The following AAK1 variants were observed in gnomAD, a reference collection of about 807,000 sequenced individuals.
The protein encoded by AAK1 is AP2-associated protein kinase 1.
A neutral mutation model predicts 116.0 loss-of-function variants in AAK1; 37 were observed. That is an observed-to-expected ratio of 0.32 (90% CI 0.25 to 0.42). AAK1 has a LOEUF of 0.42. Among genes scored for constraint, AAK1 ranks in the 10% least tolerant of loss-of-function variants. The pLI, the probability that AAK1 is intolerant of heterozygous loss-of-function variation, is 1.00. For missense variants in AAK1, 919 were observed against 1,170.6 expected (o/e 0.79, Z 3.14); for synonymous variants, 458 against 439.9 (o/e 1.04, Z -0.51).
At chr2:69,479,088 G>A (rs778215271) in intron 19 of AAK1, 27 bp from the exon 20 acceptor site, 3 of 1,461,788 alleles carry the variant, frequency 2.1e-6, no homozygotes, top group Non-Finnish European at 2.9e-6. Context: ...AGCATCCCAG[G>A]TCAGTGATGG....
In AAK1 at chr2:69,472,510, C is replaced by T. The variant is rs777098878; in HGVS notation, c.*3359G>A. On this transcript the variant is annotated 3_prime_UTR_variant, in exon 22 of 22. Coordinates refer to ENST00000409085, the MANE Select transcript of AAK1 (RefSeq NM_014911.5). ...CTAGATGACATTGAGGGGAACAACA[C>T]TTAATTAGATGTCAAAATTCTGATA... is the stretch of plus-strand genomic sequence containing the variant. 10 of 705,820 alleles carry T rather than the reference C, an allele frequency of 1.4e-5. No individual in the cohort carries two copies. Among genetic ancestry groups the T allele is most frequent in the Non-Finnish European group, 1.7e-5 (10 of 575,068 alleles). 43.7% of individuals were successfully genotyped at this position (705,820 alleles called of 1,614,324 possible).
chr2:69,633,173 C>T (rs1452702135), intron 2 of AAK1, among the ~76,000 whole-genome samples: 2 of 147,846 alleles, frequency 1.4e-5, no homozygotes, highest in African/African-American at 5.0e-5. Context: ...GAGCCGAGAT[C>T]GCGCCACTGC....
Position 69,469,914 on chromosome 2 carries a change from A to G in AAK1, c.*5955T>C, listed in dbSNP as rs1353620663. Reference sequence around the variant, plus strand: ...TATGTAGATTTCAGCAAGAACTCACATGCTTCAGGGAAGAGAAGGAGTTCC... The same window carrying G: ...TATGTAGATTTCAGCAAGAACTCACGTGCTTCAGGGAAGAGAAGGAGTTCC... On this transcript the variant is annotated 3_prime_UTR_variant, in exon 22 of 22. Coordinates refer to ENST00000409085, the MANE Select transcript of AAK1 (RefSeq NM_014911.5). 10 of 985,306 alleles carry G rather than the reference A, an allele frequency of 1.0e-5. No homozygotes were observed. The highest frequency in any genetic ancestry group is 4.7e-5 in the South Asian group (1 of 21,292). 61.0% of individuals were successfully genotyped at this position (985,306 alleles called of 1,614,324 possible). A position where few individuals can be genotyped will look rare whatever the true frequency, so the allele number is the denominator to read the frequency against.
intron 2 of AAK1, among the ~76,000 whole-genome samples, chr2:69,590,674 C>T (rs529138752): frequency 3.9e-5 from 6 of 152,334 alleles, no homozygotes; most frequent in East Asian, 1.9e-4. Context: ...AGTTAGGAAT[C>T]CCAATATCAA....
intron 9 of AAK1, among the ~76,000 whole-genome samples, chr2:69,526,222 A>C (rs1026438036): frequency 1.1e-4 from 17 of 152,306 alleles, no homozygotes; most frequent in Middle Eastern, 6.8e-3. Flanking sequence ...AGGGAGCCTG[A>C]CTGGTCAAGC....
rs1313525649 is a variant in AAK1 at position 69,474,115 on chromosome 2, T to C, written c.*1754A>G. The C allele has an allele frequency of 5.1e-6, 5 of 985,768 alleles. No individual in the cohort carries two copies. Among genetic ancestry groups the C allele is most frequent in the Non-Finnish European group, 6.0e-6 (5 of 829,940 alleles). 61.1% of individuals were successfully genotyped at this position (985,768 alleles called of 1,614,324 possible). ...TCCTCCAATGCCTTTCAAAGGCTAC[T>C]CGCACATTCCTAGGGTCAAACCTTG... On this transcript the variant is annotated 3_prime_UTR_variant, in exon 22 of 22. Coordinates refer to ENST00000409085, the MANE Select transcript of AAK1 (RefSeq NM_014911.5).
intron 5 of AAK1, among the ~76,000 whole-genome samples, chr2:69,534,365 C>T (rs188169005): frequency 4.6e-5 from 7 of 152,298 alleles, no homozygotes; most frequent in Admixed American, 2.0e-4. Context: ...TCCTTACTTC[C>T]AACTATAGTA....
chr2:69,473,952 C>G lies in AAK1; in HGVS notation c.*1917G>C, dbSNP rs778840072. On this transcript the variant is annotated 3_prime_UTR_variant, in exon 22 of 22. Transcript: ENST00000409085. ...TCGTGGATATCTTTTGCTTTTTAAT[C>G]CTCGGCAGGAAGCTTGTGCCTCTCT... 4 of 985,610 alleles carry G rather than the reference C, an allele frequency of 4.1e-6. No homozygotes were observed. The highest frequency in any genetic ancestry group is 4.8e-6 in the Non-Finnish European group (4 of 829,922). The allele number at this position is 985,610 out of a possible 1,614,324, so 61.1% of individuals were successfully genotyped here. A position where few individuals can be genotyped will look rare whatever the true frequency, so the allele number is the denominator to read the frequency against.
At chr2:69,600,923 AC>A in intron 2 of AAK1, among the ~76,000 whole-genome samples, 1 of 152,340 alleles carries the variant, frequency 6.6e-6, no homozygotes, top group East Asian at 1.9e-4. Context: ...GCAGTTATCA[AC>A]ATCAAGGCAA....
At chr2:69,574,082 G>A (rs916763663) in intron 2 of AAK1, among the ~76,000 whole-genome samples, 1 of 151,648 alleles carries the variant, frequency 6.6e-6, no homozygotes, top group African/African-American at 2.4e-5. Flanking sequence ...AATGAAAAGA[G>A]ATTAGAGCCA....
chr2:69,578,804 C>CT (rs71397337), intron 2 of AAK1, among the ~76,000 whole-genome samples: 1,614 of 139,200 alleles, frequency 0.012, 32 homozygotes, highest in African/African-American at 0.032. Flanking sequence ...CTCTTCACCT[C>CT]TTTTTTTTTT....
At chr2:69,518,849 T>C in intron 12 of AAK1, 105 bp downstream of exon 12, 7 of 1,410,618 alleles carry the variant, frequency 5.0e-6, no homozygotes, top group Non-Finnish European at 6.5e-6. Context: ...TGAGAAACAG[T>C]GATGTAATGT....
At chr2:69,536,810 T>C (rs1244321517) in intron 5 of AAK1, among the ~76,000 whole-genome samples, 1 of 152,222 alleles carries the variant, frequency 6.6e-6, no homozygotes, top group Non-Finnish European at 1.5e-5. Context: ...AGAGAATGTA[T>C]TGCCACTGCA....
chr2:69,513,239 C>G (rs1334815760), intron 13 of AAK1, among the ~76,000 whole-genome samples: 1 of 152,194 alleles, frequency 6.6e-6, no homozygotes, highest in Non-Finnish European at 1.5e-5. Flanking sequence ...ATCTACGGCA[C>G]TGCTTCCTTT....
In AAK1 at chr2:69,632,890, G is replaced by A. The variant is rs897083106; in HGVS notation, c.163+9988C>T. 5.9e-5 allele frequency among the ~76,000 whole-genome samples: 9 copies of A among 151,924 alleles called. No homozygotes were observed. In the South Asian group the frequency reaches 1.2e-3, roughly 21 times the overall value. Reference sequence around the variant, plus strand: ...CTACTAAAAATGCAAAAAATTAGCCGGGCATGGTGGTGGGCACCTGTAGTC... The same window carrying A: ...CTACTAAAAATGCAAAAAATTAGCCAGGCATGGTGGTGGGCACCTGTAGTC... On this transcript the variant is annotated intron_variant, in intron 2 of 21. Coordinates refer to ENST00000409085, the MANE Select transcript of AAK1 (RefSeq NM_014911.5).
intron 2 of AAK1, among the ~76,000 whole-genome samples, chr2:69,570,797 T>G (rs74973837): frequency 0.011 from 1,688 of 152,342 alleles, 34 homozygotes; most frequent in African/African-American, 0.038. Flanking sequence ...AGATTAAATC[T>G]CTTAATATGA....
In AAK1 at chr2:69,643,731, G is replaced by GC; in HGVS notation, c.-392dup. Reference sequence around the variant, plus strand: ...CGCCAGCTGATCCCGGGAGCGCCGGGCGGAGACTGACCCGCCGCCCCTCCC... The same window carrying GC: ...CGCCAGCTGATCCCGGGAGCGCCGGGCCGGAGACTGACCCGCCGCCCCTCCC... On this transcript the variant is annotated 5_prime_UTR_variant, in exon 1 of 22. Transcript: ENST00000409085. The GC allele has an allele frequency of 8.3e-7, 1 of 1,209,896 alleles. No homozygotes were observed. The highest frequency in any genetic ancestry group is 3.4e-5 in the East Asian group (1 of 29,662). 74.9% of individuals were successfully genotyped at this position (1,209,896 alleles called of 1,614,324 possible). A position where few individuals can be genotyped will look rare whatever the true frequency, so the allele number is the denominator to read the frequency against.
Position 69,476,953 on chromosome 2 carries a change from G to T in AAK1, c.2718C>A (p.Val906=). The part of the protein sequence containing the change: ...EDSNLISGFD[V]PEGSDKVAED... Reference sequence around the variant, plus strand: ...CAGCCACCTTGTCCGAGCCCTCAGGGACATCAAAACCTGAGATGAGATTAC... The same window carrying T: ...CAGCCACCTTGTCCGAGCCCTCAGGTACATCAAAACCTGAGATGAGATTAC... Residue 906 remains valine (V), a synonymous_variant, in exon 21 of 22, where the codon GTC becomes GTA. Coordinates refer to ENST00000409085, the MANE Select transcript of AAK1 (RefSeq NM_014911.5). 1 of 1,613,344 alleles carries T rather than the reference G, an allele frequency of 6.2e-7. No individual in the cohort carries two copies. Among genetic ancestry groups the T allele is most frequent in the East Asian group, 2.2e-5 (1 of 44,838 alleles).
rs200710804 is a variant in AAK1, at chr2:69,519,112, A to T, written c.1339T>A (p.Ser447Thr). The change falls in exon 12 of 22, where the codon TCT becomes ACT. Residue 447 changes from serine (S) to threonine (T), a missense_variant. Physicochemically the swap from Ser to Thr is moderately conservative, Grantham distance 58. This residue lies in a region of AAK1 where 214 missense variants were observed against 210.6 expected (regional missense o/e 1.02). Transcript: ENST00000409085. ...QAPPTPQQTP[S>T]TQAQGLPAQA... is the part of the protein sequence containing the mutation. Reference sequence around the variant, plus strand: ...GCGGGCAGACCCTGGGCCTGAGTAGAAGGCGTCTGCTGTGGAGTGGGAGGA... The same window carrying T: ...GCGGGCAGACCCTGGGCCTGAGTAGTAGGCGTCTGCTGTGGAGTGGGAGGA... 275 of 1,555,612 alleles carry T rather than the reference A, an allele frequency of 1.8e-4. 1 individual carries two copies. In the African/African-American group the frequency reaches 3.4e-3, roughly 19 times the overall value.
Sources: gnomAD v4.1 joint callset for allele counts (sites outside exome capture counted in the v4.1 genomes callset) on GRCh38, gnomAD v4.1.1 for gene constraint, gnomAD v4.1.1 regional missense constraint, MANE v1.5 for transcripts, NCBI Gene and HGNC (gene_info 2026-07-23, HGNC 2026-07-21) for gene names.